Variants in ITPR2 observed in about 807,000 individuals in gnomAD.
ITPR2 encodes the protein inositol 1,4,5-trisphosphate-gated calcium channel ITPR2.
Under a neutral mutation model 317.1 loss-of-function variants are expected in ITPR2, and 207 were observed. That is an observed-to-expected ratio of 0.65 (90% CI 0.58 to 0.73). The LOEUF (loss-of-function observed/expected upper bound fraction) is 0.73, where lower values mean the gene tolerates loss of function less well. ITPR2 is among the 30% of genes least tolerant of loss of function. The probability of loss-of-function intolerance (pLI) is 0.00; values close to 1 mark genes in which losing one functional copy is unlikely to be tolerated. For missense variants in ITPR2, 2,613 were observed against 3,284.0 expected (o/e 0.80, Z 4.99); for synonymous variants, 1,156 against 1,149.1 (o/e 1.01, Z -0.12).
chr12:26,728,664 G>A (rs905753384), intron 2 of ITPR2, among the ~76,000 whole-genome samples: 1 of 152,098 alleles, frequency 6.6e-6, no homozygotes, highest in Non-Finnish European at 1.5e-5. Context: ...TTCTTGGGCT[G>A]GTCACACATT....
intron 32 of ITPR2, among the ~76,000 whole-genome samples, chr12:26,582,025 A>G (rs1945416373): frequency 6.6e-6 from 1 of 152,190 alleles, no homozygotes; most frequent in South Asian, 2.1e-4. Context: ...CTATTTCTGG[A>G]TCAAGACTTT....
chr12:26,815,122 T>C (rs1226950933), intron 1 of ITPR2, among the ~76,000 whole-genome samples: 3 of 152,182 alleles, frequency 2.0e-5, no homozygotes, highest in African/African-American at 7.2e-5. Context: ...GTGAATCAGT[T>C]GAGGTCAGGA....
intron 55 of ITPR2, among the ~76,000 whole-genome samples, chr12:26,341,994 G>A (rs1938128544): frequency 6.6e-6 from 1 of 152,226 alleles, no homozygotes; most frequent in Non-Finnish European, 1.5e-5. Flanking sequence ...CAGAGCAAAA[G>A]GGAAAGATCT....
chr12:26,415,933 T>C (rs769266147), intron 50 of ITPR2, among the ~76,000 whole-genome samples: 4 of 152,186 alleles, frequency 2.6e-5, no homozygotes, highest in Non-Finnish European at 4.4e-5. Flanking sequence ...TAGGTCCTCC[T>C]GAGTGATGAA....
intron 37 of ITPR2, among the ~76,000 whole-genome samples, chr12:26,529,627 G>C (rs1421870282): frequency 6.6e-6 from 1 of 152,162 alleles, no homozygotes; most frequent in Non-Finnish European, 1.5e-5. Context: ...TGCCAGCTGG[G>C]TCATGGGCTG....
At chr12:26,491,938 G>A (rs1942817341) in intron 39 of ITPR2, among the ~76,000 whole-genome samples, 2 of 152,210 alleles carry the variant, frequency 1.3e-5, no homozygotes, top group Non-Finnish European at 2.9e-5. Context: ...TGGATACATA[G>A]TCTAGAACGT....
At chr12:26,488,932 A>C (rs1333554996) in intron 39 of ITPR2, among the ~76,000 whole-genome samples, 7 of 152,206 alleles carry the variant, frequency 4.6e-5, no homozygotes, top group African/African-American at 2.4e-5. Context: ...GGTTTAGTAA[A>C]GATGAGTGAC....
At chr12:26,706,952 C>T (rs2137013382) in intron 9 of ITPR2, among the ~76,000 whole-genome samples, 1 of 152,298 alleles carries the variant, frequency 6.6e-6, no homozygotes, top group South Asian at 2.1e-4. Context: ...TTACACAGGA[C>T]CGCCCTTTTA....
intron 52 of ITPR2, among the ~76,000 whole-genome samples, chr12:26,402,404 C>T (rs888287358): frequency 1.3e-5 from 2 of 152,218 alleles, no homozygotes; most frequent in African/African-American, 4.8e-5. Flanking sequence ...TTGTTAAAGG[C>T]TTAGTAAATG....
At chr12:26,434,901 T>C (rs1254122406) in intron 48 of ITPR2, among the ~76,000 whole-genome samples, 1 of 152,220 alleles carries the variant, frequency 6.6e-6, no homozygotes, top group Non-Finnish European at 1.5e-5. Flanking sequence ...TCCTCTATGC[T>C]AAGAGTTTAT....
intron 2 of ITPR2, among the ~76,000 whole-genome samples, chr12:26,736,969 CAA>C (rs746247480): frequency 1.6e-4 from 24 of 152,266 alleles, no homozygotes; most frequent in Non-Finnish European, 2.1e-4. Context: ...AGAGAGAAAA[CAA>C]AGAGTTGGCA....
intron 50 of ITPR2, among the ~76,000 whole-genome samples, chr12:26,417,410 C>T (rs933313287): frequency 7.9e-5 from 12 of 152,272 alleles, no homozygotes; most frequent in African/African-American, 2.9e-4. Context: ...CAAATTTCAT[C>T]TCGAATTGTA....
rs1158490030 is a variant in ITPR2, at chr12:26,597,031, C to T, written c.4106G>A (p.Ser1369Asn). ...GGTGATGTGGTAGGCTAAGGGGCCA[C>T]TCTCATCCCCTCGGTCTCTCTCTGA... ...MCSERDRGDE[S>N]GPLAYHITLV... The change falls in exon 31 of 57, where the codon AGT becomes AAT. Residue 1369 changes from serine to asparagine, a missense_variant. By Grantham distance (46) the Ser-to-Asn change is conservative (BLOSUM62 1). Transcript: ENST00000381340. 6.2e-7 allele frequency: 1 copy of T among 1,613,920 alleles called. No homozygotes were observed. Among genetic ancestry groups the T allele is most frequent in the Non-Finnish European group, 8.5e-7 (1 of 1,179,994 alleles).
intron 34 of ITPR2, among the ~76,000 whole-genome samples, chr12:26,565,621 C>T (rs1197311823): frequency 6.6e-6 from 1 of 151,650 alleles, no homozygotes; most frequent in Non-Finnish European, 1.5e-5. Flanking sequence ...TGGAAATTCT[C>T]TGAAGCTTAA....
At chr12:26,625,167 T>C (rs1450063068) in intron 23 of ITPR2, among the ~76,000 whole-genome samples, 4 of 151,926 alleles carry the variant, frequency 2.6e-5, no homozygotes, top group African/African-American at 4.8e-5. Context: ...CGATAGACAG[T>C]AGAATAAGAG....
rs1948736805 is a variant in ITPR2 at position 26,716,180 on chromosome 12, G to A, written c.588C>T (p.Ser196=). 6.2e-7 allele frequency: 1 copy of A among 1,613,228 alleles called. No individual in the cohort carries two copies. Among genetic ancestry groups the A allele is most frequent in the Admixed American group, 1.7e-5 (1 of 59,960 alleles). ...PVNAGQPLHA[S]NIELLDNPGC... ...CTGGGTTATCAAGAAGCTCTATGTT[G>A]CTGGCATGTAGTGGCTGCCCTGCAT... Residue 196 remains serine, a synonymous_variant, in exon 6 of 57, where the codon AGC becomes AGT. Transcript: ENST00000381340.
intron 2 of ITPR2, among the ~76,000 whole-genome samples, chr12:26,750,984 G>A (rs978308235): frequency 2.6e-5 from 4 of 152,080 alleles, no homozygotes; most frequent in African/African-American, 7.2e-5. Context: ...AGTTAACACC[G>A]CCCAAGCAAC....
chr12:26,375,194 G>C (rs1939300653), intron 55 of ITPR2, among the ~76,000 whole-genome samples: 1 of 152,188 alleles, frequency 6.6e-6, no homozygotes, highest in African/African-American at 2.4e-5. Flanking sequence ...ACTGAGAATT[G>C]AACAAGATCT....
At chr12:26,428,129 A>G (rs1282620410) in intron 48 of ITPR2, 41 bp from the exon 49 acceptor site, 2 of 1,474,136 alleles carry the variant, frequency 1.4e-6, no homozygotes, top group East Asian at 2.4e-5. Flanking sequence ...TAAGAATAAA[A>G]CTAAAAAATG....
Sources: allele counts gnomAD v4.1 joint callset (sites outside exome capture counted in the v4.1 genomes callset), GRCh38; gene constraint gnomAD v4.1.1; transcripts MANE v1.5; gene names NCBI Gene and HGNC (gene_info 2026-07-23, HGNC 2026-07-21).